DPY19L1: variants seen among roughly 807,000 people sequenced by gnomAD.
DPY19L1 encodes protein C-mannosyl-transferase DPY19L1.
In DPY19L1, 35 loss-of-function variants were observed where a neutral mutation model predicts 96.9. The ratio of observed to expected loss-of-function variants is 0.36; its 90% CI spans 0.28 to 0.48. The LOEUF (loss-of-function observed/expected upper bound fraction) is 0.48, where lower values mean the gene tolerates loss of function less well. Ranked by LOEUF, DPY19L1 falls within the 20% of genes least tolerant of loss-of-function variation. The pLI is 0.99. For missense variants in DPY19L1, 521 were observed against 777.9 expected (o/e 0.67, Z 3.93); for synonymous variants, 205 against 252.6 (o/e 0.81, Z 1.79).
chr7:34,947,524 C>T, intron 15 of DPY19L1, 106 bp downstream of exon 15: 1 of 822,258 alleles, frequency 1.2e-6, no homozygotes, highest in Middle Eastern at 3.0e-4. Flanking sequence ...ACAGTAAGCC[C>T]ATACAAAACG....
intron 6 of DPY19L1, among the ~76,000 whole-genome samples, chr7:35,007,605 GTGTGTA>G (rs71911284): frequency 0.25 from 37,219 of 150,768 alleles, 4,669 homozygotes; most frequent in Non-Finnish European, 0.29. Flanking sequence ...GTGTGTGTGT[GTGTGTA>G]TATATATATT....
At chr7:34,989,082 A>C (rs1408218072) in intron 7 of DPY19L1, among the ~76,000 whole-genome samples, 3 of 152,186 alleles carry the variant, frequency 2.0e-5, no homozygotes, top group Non-Finnish European at 2.9e-5. Context: ...GAACCCAGGC[A>C]ACCTGGATCC....
At position 34,940,234 on chromosome 7, in the gene DPY19L1, T is replaced by C; in HGVS notation, c.1783A>G (p.Thr595Ala). 6.2e-7 allele frequency: 1 copy of C among 1,612,548 alleles called. No homozygotes were observed. Among genetic ancestry groups the C allele is most frequent in the Non-Finnish European group, 8.5e-7 (1 of 1,179,754 alleles). ...MSIQGSANLQ[T>A]QWNIVGEFSN... ...AACTCCCCTACAATATTCCACTGGGTTTGCAGATTTGCTGAACCTTGTATT... is the reference window on the plus strand; with the variant it reads ...AACTCCCCTACAATATTCCACTGGGCTTGCAGATTTGCTGAACCTTGTATT... Residue 595 changes from threonine (T) to alanine (A), a missense_variant, in exon 19 of 22, where the codon ACC (threonine) becomes GCC (alanine). Transcript: ENST00000638088.
intron 11 of DPY19L1, among the ~76,000 whole-genome samples, chr7:34,955,699 G>C (rs943438819): frequency 2.0e-5 from 3 of 152,240 alleles, no homozygotes; most frequent in Admixed American, 1.3e-4. Flanking sequence ...AGTCATACAG[G>C]CATAAGATTT....
intron 6 of DPY19L1, among the ~76,000 whole-genome samples, chr7:34,994,260 T>C (rs1162339282): frequency 1.3e-5 from 2 of 152,142 alleles, no homozygotes; most frequent in Non-Finnish European, 2.9e-5. Flanking sequence ...ATGTCGTGAC[T>C]ATACAGAGAT....
chr7:34,960,073 A>T (rs1405625947), intron 10 of DPY19L1, among the ~76,000 whole-genome samples: 1 of 150,512 alleles, frequency 6.6e-6, no homozygotes, highest in African/African-American at 2.4e-5. Flanking sequence ...TTTATCTTTC[A>T]TTTCCTTTAG....
At chr7:34,992,543 C>CT (rs34687334) in intron 6 of DPY19L1, among the ~76,000 whole-genome samples, 165 of 133,826 alleles carry the variant, frequency 1.2e-3, no homozygotes, top group African/African-American at 2.5e-3. Context: ...ACCTTCCTGC[C>CT]TTTTTTTTTT....
chr7:34,973,369 T>TC, intron 8 of DPY19L1, 145 bp downstream of exon 8: 1 of 439,538 alleles, frequency 2.3e-6, no homozygotes, highest in Admixed American at 4.5e-5. Flanking sequence ...TGATACTATT[T>TC]TTAAGTTACA....
chr7:34,980,023 T>C (rs904869544), intron 7 of DPY19L1, among the ~76,000 whole-genome samples: 1 of 152,134 alleles, frequency 6.6e-6, no homozygotes, highest in Non-Finnish European at 1.5e-5. Context: ...AAAGCTACAA[T>C]ATTTAAGGCA....
At chr7:34,943,121 C>T (rs890267626) in intron 16 of DPY19L1, among the ~76,000 whole-genome samples, 9 of 152,150 alleles carry the variant, frequency 5.9e-5, no homozygotes, top group East Asian at 3.9e-4. Flanking sequence ...TAGAGTAATA[C>T]CTGACACTTA....
chr7:34,974,794 C>G (rs1374999874), intron 7 of DPY19L1, among the ~76,000 whole-genome samples: 1 of 152,150 alleles, frequency 6.6e-6, no homozygotes, highest in East Asian at 1.9e-4. Context: ...GCAAGTCTAT[C>G]AGTGCCATTT....
rs139660014 is a variant in DPY19L1, at chr7:34,938,190, C to T, written c.1965-71G>A. 132 of 1,495,850 alleles carry T rather than the reference C, an allele frequency of 8.8e-5. 1 individual carries two copies. The African/African-American group carries it at 1.5e-3, about 17-fold the overall frequency. 92.7% of individuals were successfully genotyped at this position (1,495,850 alleles called of 1,614,324 possible). A position where few individuals can be genotyped will look rare whatever the true frequency, so the allele number is the denominator to read the frequency against. On this transcript the variant is annotated intron_variant, in intron 20 of 21. Transcript: ENST00000638088. ...ATACAATAACACATTTGGAAGAAAG[C>T]ACTGAATTAGACTAGAAGACGATGA...
chr7:35,015,955 T>C (rs1785837142), intron 3 of DPY19L1, among the ~76,000 whole-genome samples: 1 of 152,198 alleles, frequency 6.6e-6, no homozygotes, highest in Non-Finnish European at 1.5e-5. Context: ...AACAAATCAA[T>C]AATTTGAAAC....
At chr7:35,022,520 C>T (rs1364699950) in intron 1 of DPY19L1, among the ~76,000 whole-genome samples, 3 of 152,186 alleles carry the variant, frequency 2.0e-5, no homozygotes, top group African/African-American at 4.8e-5. Context: ...TTCAGTCTTA[C>T]GGGATTTGAG....
At chr7:35,006,357 A>C (rs1457847102) in intron 6 of DPY19L1, among the ~76,000 whole-genome samples, 1 of 152,196 alleles carries the variant, frequency 6.6e-6, no homozygotes, top group Non-Finnish European at 1.5e-5. Flanking sequence ...CACCTGCTTG[A>C]TATCTGCCTT....
At chr7:35,021,335 T>C (rs756430185) in intron 1 of DPY19L1, among the ~76,000 whole-genome samples, 2 of 152,226 alleles carry the variant, frequency 1.3e-5, no homozygotes, top group African/African-American at 4.8e-5. Context: ...AATACCTTGC[T>C]TTCTCAGAAT....
rs750820396 is a variant in DPY19L1 at position 34,966,959 on chromosome 7, A to G, written c.1027T>C (p.Phe343Leu). Residue 343 changes from phenylalanine to leucine, a missense_variant, in exon 10 of 22, where the codon TTT (phenylalanine) becomes CTT (leucine). Transcript: ENST00000638088. ...FVLLTQIASL[F>L]AVYVVGYIDI... ...ATGTACCCGACAACATATACTGCAA[A>G]TAATGATGCAATCTGAAATTTAAAA... The G allele has an allele frequency of 6.5e-6, 10 of 1,532,686 alleles. No homozygotes were observed. In the East Asian group the frequency reaches 9.8e-5, roughly 15 times the overall value. The allele number at this position is 1,532,686 out of a possible 1,614,324, so 94.9% of individuals were successfully genotyped here. A position where few individuals can be genotyped will look rare whatever the true frequency, so the allele number is the denominator to read the frequency against.
Position 35,029,444 on chromosome 7 carries a change from C to T in DPY19L1, c.298+7653G>A, listed in dbSNP as rs142757091. ...GAGAACCACACACACCTACAACACA[C>T]GTCCAGGCCCCATCATATTCAGCAA... On this transcript the variant is annotated intron_variant, in intron 1 of 21. Transcript: ENST00000638088. 1.7e-3 allele frequency among the ~76,000 whole-genome samples: 259 copies of T among 152,250 alleles called. 1 individual carries two copies. Among genetic ancestry groups the T allele is most frequent in the African/African-American group, 5.6e-3 (234 of 41,554 alleles).
intron 6 of DPY19L1, among the ~76,000 whole-genome samples, chr7:35,004,687 G>A (rs1166412268): frequency 6.6e-6 from 1 of 152,156 alleles, no homozygotes; most frequent in Non-Finnish European, 1.5e-5. Context: ...CTGGGTCATA[G>A]ATAATACACT....
Sources: gnomAD v4.1 joint callset for allele counts (sites outside exome capture counted in the v4.1 genomes callset) on GRCh38, gnomAD v4.1.1 for gene constraint, MANE v1.5 for transcripts, NCBI Gene and HGNC (gene_info 2026-07-23, HGNC 2026-07-21) for gene names.